The following CCDC7 variants were observed in gnomAD, a reference collection of about 807,000 sequenced individuals.
The protein encoded by CCDC7 is coiled-coil domain containing 7, also known as coiled-coil domain-containing protein 7.
Under a neutral mutation model 196.9 loss-of-function variants are expected in CCDC7, and 183 were observed. The ratio of observed to expected loss-of-function variants is 0.93; its 90% CI spans 0.82 to 1.05. The LOEUF (loss-of-function observed/expected upper bound fraction) is 1.05. Among genes scored for constraint, CCDC7 ranks in the 50% least tolerant of loss-of-function variants. CCDC7 has a pLI of 0.00. For missense variants in CCDC7, 1,540 were observed against 1,482.2 expected (o/e 1.04, Z -0.64); for synonymous variants, 525 against 484.6 (o/e 1.08, Z -1.10).
At chr10:32,871,372 T>C (rs1353348151) in intron 41 of CCDC7, among the ~76,000 whole-genome samples, 5 of 152,196 alleles carry the variant, frequency 3.3e-5, no homozygotes, top group Non-Finnish European at 7.3e-5. Context: ...TTCTAGATTT[T>C]CTAGTTTATT....
chr10:32,867,215 A>G (rs2094231582), intron 41 of CCDC7, among the ~76,000 whole-genome samples: 1 of 151,664 alleles, frequency 6.6e-6, no homozygotes. Flanking sequence ...TTAGATGGTA[A>G]GTTGAGTCAA....
chr10:32,689,084 A>T, exon 23 of CCDC7: 4 of 1,606,546 alleles, frequency 2.5e-6, no homozygotes, highest in Non-Finnish European at 3.4e-6. Flanking sequence ...AAAATCTTAT[A>T]CTTAGGCATC....
upstream of CCDC7, among the ~76,000 whole-genome samples, chr10:32,445,246 C>G (rs536215305): frequency 3.9e-5 from 6 of 152,304 alleles, no homozygotes; most frequent in East Asian, 1.2e-3. Context: ...TTCCAGGCAA[C>G]CCCAATGGTA....
At chr10:32,746,360 A>G (rs1330704569) in intron 28 of CCDC7, among the ~76,000 whole-genome samples, 1 of 152,170 alleles carries the variant, frequency 6.6e-6, no homozygotes, top group Non-Finnish European at 1.5e-5. Context: ...TATTGTCCTG[A>G]TAGACATTTG....
intron 20 of CCDC7, among the ~76,000 whole-genome samples, chr10:32,644,710 A>C (rs904613409): frequency 6.6e-6 from 1 of 152,134 alleles, no homozygotes; most frequent in African/African-American, 2.4e-5. Context: ...ATGGTTTTAT[A>C]AGGGGTTTTT....
chr10:32,477,468 T>C (rs184173459), intron 8 of CCDC7, among the ~76,000 whole-genome samples: 1 of 152,246 alleles, frequency 6.6e-6, no homozygotes, highest in Non-Finnish European at 1.5e-5. Flanking sequence ...CCCAAAGTAC[T>C]GGGATTACAG....
intron 11 of CCDC7, among the ~76,000 whole-genome samples, chr10:32,535,611 T>C (rs1404278390): frequency 6.6e-6 from 1 of 152,252 alleles, no homozygotes; most frequent in East Asian, 1.9e-4. Flanking sequence ...AAGGAGTGTC[T>C]AGGTAAAGAG....
chr10:32,706,108 T>C (rs866445527), intron 24 of CCDC7, among the ~76,000 whole-genome samples: 8 of 152,110 alleles, frequency 5.3e-5, no homozygotes, highest in African/African-American at 1.9e-4. Context: ...AAAGAAATTA[T>C]AACAAACTGT....
chr10:32,641,970 A>G (rs933499074), intron 20 of CCDC7, among the ~76,000 whole-genome samples: 5 of 152,122 alleles, frequency 3.3e-5, no homozygotes, highest in Admixed American at 6.5e-5. Context: ...AACAGCTGGT[A>G]TTGGTGAACA....
intron 23 of CCDC7, among the ~76,000 whole-genome samples, chr10:32,690,562 T>C (rs965259252): frequency 2.6e-5 from 4 of 152,070 alleles, no homozygotes; most frequent in African/African-American, 9.7e-5. Context: ...ATCAATTGAG[T>C]CATTATGCAC....
At chr10:32,876,201 G>A in intron 41 of CCDC7, 146 bp from the exon 43 acceptor site, 1 of 578,700 alleles carries the variant, frequency 1.7e-6, no homozygotes, top group Admixed American at 3.2e-5. Flanking sequence ...AAAACAATAG[G>A]TAGGTAGATT....
In CCDC7 at chr10:32,453,328, T is replaced by G. The variant is rs2490505; in HGVS notation, c.280-16T>G. ...ACTATTAAAGTATCTAATTGGCTTT[T>G]ATTTTTTTTTTACAGGTTGTTTCCA... On this transcript the variant is annotated splice_polypyrimidine_tract_variant and intron_variant, in intron 1 of 41. Transcript: ENST00000639629. The G allele has an allele frequency of 0.88, 1,292,156 of 1,466,790 alleles. 571,236 individuals carry two copies. Among genetic ancestry groups the G allele is most frequent in the Non-Finnish European group, 0.9 (995,324 of 1,110,382 alleles). 90.9% of individuals were successfully genotyped at this position (1,466,790 alleles called of 1,614,324 possible). A position where few individuals can be genotyped will look rare whatever the true frequency, so the allele number is the denominator to read the frequency against.
chr10:32,711,739 AATG>A lies in CCDC7; in HGVS notation c.2569+15_2569+17del. 2.8e-6 allele frequency: 4 copies of A among 1,439,478 alleles called. No homozygotes were observed. The highest frequency in any genetic ancestry group is 3.8e-6 in the Non-Finnish European group (4 of 1,054,804). 89.2% of individuals were successfully genotyped at this position (1,439,478 alleles called of 1,614,324 possible). A position where few individuals can be genotyped will look rare whatever the true frequency, so the allele number is the denominator to read the frequency against. On this transcript the variant is annotated intron_variant, in intron 25 of 41. Transcript: ENST00000639629. ...AGGAGAAGGACGTAGCAGTAAGTAT[AATG>A]ATGATAGCTATTTTATATTATTTTA...
At position 32,657,183 on chromosome 10, in the gene CCDC7, T is replaced by G. The variant is rs139945447; in HGVS notation, c.2015-6871T>G. ...AGTGTCTCCAGCTTTTCCAGGCACATGATGCAAGCTGTCAGTGGATCTTCC... is the reference window on the plus strand; with the variant it reads ...AGTGTCTCCAGCTTTTCCAGGCACAGGATGCAAGCTGTCAGTGGATCTTCC... On this transcript the variant is annotated intron_variant, in intron 20 of 41. Coordinates refer to ENST00000639629, the Ensembl canonical transcript of CCDC7. 1.9e-3 allele frequency among the ~76,000 whole-genome samples: 294 copies of G among 152,268 alleles called. 2 individuals are homozygous for G. The highest frequency in any genetic ancestry group is 6.8e-3 in the African/African-American group (281 of 41,560).
intron 39 of CCDC7, among the ~76,000 whole-genome samples, chr10:32,849,681 G>A (rs1490731567): frequency 3.2e-5 from 4 of 123,368 alleles, no homozygotes; most frequent in South Asian, 2.5e-4. Context: ...CCAGCATGGC[G>A]AAAGAGCAAG....
At chr10:32,824,544 A>C in exon 32 of CCDC7, 1 of 1,612,054 alleles carries the variant, frequency 6.2e-7, no homozygotes, top group Non-Finnish European at 8.5e-7. Flanking sequence ...GCATAGTACA[A>C]CTGAGAGAGG....
intron 20 of CCDC7, among the ~76,000 whole-genome samples, chr10:32,650,026 C>A (rs958932651): frequency 2.0e-5 from 3 of 152,172 alleles, no homozygotes; most frequent in Non-Finnish European, 4.4e-5. Context: ...ACAATCCAGA[C>A]TGGTTATGAA....
chr10:32,703,271 T>C (rs1247884309), intron 24 of CCDC7, among the ~76,000 whole-genome samples: 1 of 152,138 alleles, frequency 6.6e-6, no homozygotes, highest in African/African-American at 2.4e-5. Context: ...CCTTCACTTA[T>C]GAAGCTTAGT....
chr10:32,729,389 A>T (rs2083578247), exon 28 of CCDC7: 2 of 1,529,994 alleles, frequency 1.3e-6, no homozygotes, highest in East Asian at 4.6e-5. Flanking sequence ...TTGCCTGAGG[A>T]GAAAGTTTTA....
Sources: allele counts gnomAD v4.1 joint callset (sites outside exome capture counted in the v4.1 genomes callset), GRCh38; gene constraint gnomAD v4.1.1; transcripts MANE v1.5; gene names NCBI Gene and HGNC (gene_info 2026-07-23, HGNC 2026-07-21).